The following SOX6 variants were observed in gnomAD, a reference collection of about 807,000 sequenced individuals.
SOX6 encodes the protein transcription factor SOX-6.
SOX6 carries 11 observed loss-of-function variants against 97.8 expected under a neutral mutation model. The observed-to-expected ratio is 0.11, with a 90% CI of 0.07 to 0.19. The LOEUF is 0.19. SOX6 is among the 10% of genes least tolerant of loss of function. The probability of loss-of-function intolerance (pLI) is 1.00; values close to 1 mark genes in which losing one functional copy is unlikely to be tolerated. For synonymous variants in SOX6, 360 were observed against 371.4 expected (o/e 0.97, Z 0.35); for missense variants, 810 against 1,039.5 (o/e 0.78, Z 3.04).
intron 2 of SOX6, among the ~76,000 whole-genome samples, chr11:16,330,956 C>A (rs1422527379): frequency 6.6e-6 from 1 of 152,068 alleles, no homozygotes; most frequent in African/African-American, 2.4e-5. Flanking sequence ...AAAAGAATGT[C>A]TTTTTGACAA....
chr11:16,140,541 T>C (rs1589966630), intron 6 of SOX6, among the ~76,000 whole-genome samples: 1 of 152,334 alleles, frequency 6.6e-6, no homozygotes, highest in East Asian at 1.9e-4. Flanking sequence ...TATCATTGCA[T>C]ATTTATGAAT....
chr11:16,492,388 C>A (rs1388186435), intron 4 of SOX6, among the ~76,000 whole-genome samples: 1 of 152,206 alleles, frequency 6.6e-6, no homozygotes, highest in Non-Finnish European at 1.5e-5. Flanking sequence ...CTGCCACCTT[C>A]TGCTTCATGA....
intron 2 of SOX6, among the ~76,000 whole-genome samples, chr11:16,330,932 AC>A (rs936996851): frequency 6.6e-6 from 1 of 152,020 alleles, no homozygotes; most frequent in Non-Finnish European, 1.5e-5. Flanking sequence ...AAAAAAAGGA[AC>A]CCCTACCAAA....
chr11:15,978,953 T>C (rs1464537657), intron 15 of SOX6, among the ~76,000 whole-genome samples: 1 of 138,582 alleles, frequency 7.2e-6, no homozygotes, highest in Non-Finnish European at 1.6e-5. Flanking sequence ...TAAGCATATA[T>C]AATGCTTATT....
At chr11:16,401,601 C>A (rs1037711286) in intron 1 of SOX6, among the ~76,000 whole-genome samples, 6 of 151,646 alleles carry the variant, frequency 4.0e-5, no homozygotes, top group African/African-American at 1.4e-4. Flanking sequence ...GTCATTTCAA[C>A]TTTCCAGTCT....
intron 9 of SOX6, among the ~76,000 whole-genome samples, chr11:16,087,195 T>C (rs1377176040): frequency 1.3e-5 from 2 of 152,158 alleles, no homozygotes; most frequent in African/African-American, 4.8e-5. Flanking sequence ...GTTTTTTAAC[T>C]GTAAAAGGCT....
chr11:16,632,497 C>T (rs1275252248), intron 3 of SOX6, among the ~76,000 whole-genome samples: 3 of 152,204 alleles, frequency 2.0e-5, no homozygotes, highest in Non-Finnish European at 4.4e-5. Flanking sequence ...CTCTCTGTTG[C>T]CTCAGGCACT....
chr11:16,367,987 T>C (rs1042829441), intron 1 of SOX6, among the ~76,000 whole-genome samples: 28 of 152,232 alleles, frequency 1.8e-4, no homozygotes, highest in Non-Finnish European at 3.8e-4. Context: ...TAACAAAACA[T>C]TATTAATCTC....
Position 16,389,526 on chromosome 11 carries a change from ATC to A in SOX6, c.-4-48276_-4-48275del, listed in dbSNP as rs373929869. Among the ~76,000 whole-genome samples the A allele has an allele frequency of 6.4e-4, 97 of 151,302 alleles. 1 individual carries two copies. The highest frequency in any genetic ancestry group is 2.3e-3 in the African/African-American group (96 of 41,184). On this transcript the variant is annotated intron_variant, in intron 1 of 15. Coordinates refer to the SOX6 transcript ENST00000396356. ...TCCCTTTGGCTCTTTTTAATAATTTATCTCTCTCTACTGAGATGTCTTATTTT... is the reference window on the plus strand; with the variant it reads ...TCCCTTTGGCTCTTTTTAATAATTTATCTCTCTACTGAGATGTCTTATTTT...
chr11:16,693,502 T>C (rs1048050977), intron 3 of SOX6, among the ~76,000 whole-genome samples: 1 of 152,094 alleles, frequency 6.6e-6, no homozygotes, highest in South Asian at 2.1e-4. Context: ...GTTGTAAATA[T>C]TTTATGCCAA....
At chr11:16,512,843 CA>C (rs1379761777) in intron 4 of SOX6, among the ~76,000 whole-genome samples, 1 of 152,138 alleles carries the variant, frequency 6.6e-6, no homozygotes, top group Non-Finnish European at 1.5e-5. Flanking sequence ...AGGAAAATAA[CA>C]AAACTATCTG....
intron 15 of SOX6, among the ~76,000 whole-genome samples, chr11:15,975,736 C>T (rs984053739): frequency 6.6e-6 from 1 of 152,078 alleles, no homozygotes. Context: ...TTCAAGGCCA[C>T]GCAAGTACCA....
chr11:16,438,082 C>G (rs1043751483), intron 1 of SOX6, among the ~76,000 whole-genome samples: 1 of 151,926 alleles, frequency 6.6e-6, no homozygotes, highest in Non-Finnish European at 1.5e-5. Context: ...TAAGGAAAGA[C>G]AAATCAAGTA....
At chr11:16,633,941 C>A (rs1848747533) in intron 3 of SOX6, among the ~76,000 whole-genome samples, 1 of 152,074 alleles carries the variant, frequency 6.6e-6, no homozygotes, top group African/African-American at 2.4e-5. Context: ...AAAAGCTAAG[C>A]AACATGATAT....
At chr11:16,352,264 ATG>A (rs1856968470) in intron 1 of SOX6, among the ~76,000 whole-genome samples, 1 of 151,380 alleles carries the variant, frequency 6.6e-6, no homozygotes, top group African/African-American at 2.4e-5. Context: ...GGATGGATGG[ATG>A]GATGGATGGA....
chr11:16,653,962 T>G (rs1847688889), intron 3 of SOX6, among the ~76,000 whole-genome samples: 1 of 151,962 alleles, frequency 6.6e-6, no homozygotes, highest in African/African-American at 2.4e-5. Flanking sequence ...CAAAATAATC[T>G]GATTTTAAGT....
intron 6 of SOX6, among the ~76,000 whole-genome samples, chr11:16,164,082 G>C (rs779665308): frequency 3.3e-5 from 5 of 152,086 alleles, no homozygotes; most frequent in Non-Finnish European, 5.9e-5. Context: ...AAACTCCCAG[G>C]CTCAAGTGAT....
intron 9 of SOX6, among the ~76,000 whole-genome samples, chr11:16,084,179 C>T (rs991092529): frequency 1.3e-5 from 2 of 152,022 alleles, no homozygotes; most frequent in Admixed American, 1.3e-4. Context: ...ACACAATCAC[C>T]TTGGGCAATC....
chr11:16,518,822 C>T (rs373340241), intron 4 of SOX6, among the ~76,000 whole-genome samples: 3 of 152,134 alleles, frequency 2.0e-5, no homozygotes, highest in East Asian at 1.9e-4. Context: ...AATTTATTTT[C>T]GAAAATACAA....
Sources: gnomAD v4.1 joint callset for allele counts (sites outside exome capture counted in the v4.1 genomes callset) on GRCh38, gnomAD v4.1.1 for gene constraint, MANE v1.5 for transcripts, NCBI Gene and HGNC (gene_info 2026-07-23, HGNC 2026-07-21) for gene names.